HS2ST1: variants seen among roughly 807,000 people sequenced by gnomAD.
HS2ST1 encodes heparan sulfate 2-O-sulfotransferase 1.
HS2ST1 carries 18 observed loss-of-function variants against 42.9 expected under a neutral mutation model. That is an observed-to-expected ratio of 0.42 (90% CI 0.29 to 0.62). The LOEUF (loss-of-function observed/expected upper bound fraction) is 0.62, where lower values mean the gene tolerates loss of function less well. HS2ST1 is among the 20% of genes least tolerant of loss of function. The pLI, the probability that HS2ST1 is intolerant of heterozygous loss-of-function variation, is 0.21. For synonymous variants in HS2ST1, 146 were observed against 152.9 expected, an observed-to-expected ratio of 0.95 and a Z score of 0.33; for missense variants, 334 against 433.8, an observed-to-expected ratio of 0.77 and a Z score of 2.04.
intron 1 of HS2ST1, among the ~76,000 whole-genome samples, chr1:87,014,191 C>G (rs76688527): frequency 2.6e-5 from 4 of 152,150 alleles, no homozygotes; most frequent in Admixed American, 6.5e-5. Context: ...AAGACATACC[C>G]GAGACTGGTC....
intron 1 of HS2ST1, among the ~76,000 whole-genome samples, chr1:86,967,097 G>T (rs1444666930): frequency 6.6e-6 from 1 of 151,964 alleles, no homozygotes; most frequent in African/African-American, 2.4e-5. Flanking sequence ...CTCCATGTTG[G>T]TCAGGCTGGT....
At chr1:86,923,465 C>G (rs948985412) in intron 1 of HS2ST1, among the ~76,000 whole-genome samples, 1 of 151,178 alleles carries the variant, frequency 6.6e-6, no homozygotes, top group Non-Finnish European at 1.5e-5. Context: ...GGCGCAATCT[C>G]GGCTCACTGC....
chr1:87,012,063 C>G (rs1336284219), intron 1 of HS2ST1, among the ~76,000 whole-genome samples: 1 of 152,188 alleles, frequency 6.6e-6, no homozygotes, highest in African/African-American at 2.4e-5. Flanking sequence ...ATATCATCTT[C>G]CAGTGCTTTC....
intron 1 of HS2ST1, among the ~76,000 whole-genome samples, chr1:86,983,825 A>G (rs1648672700): frequency 6.6e-6 from 1 of 151,966 alleles, no homozygotes; most frequent in Non-Finnish European, 1.5e-5. Context: ...GGTGGATCAC[A>G]AGGTCAGGAG....
intron 1 of HS2ST1, among the ~76,000 whole-genome samples, chr1:87,042,617 T>C (rs746586134): frequency 2.6e-5 from 4 of 152,144 alleles, no homozygotes; most frequent in Non-Finnish European, 5.9e-5. Context: ...AAGTACTCTT[T>C]TGCAATGCCT....
At chr1:87,080,944 C>T (rs2100641542) in intron 2 of HS2ST1, among the ~76,000 whole-genome samples, 1 of 152,290 alleles carries the variant, frequency 6.6e-6, no homozygotes, top group African/African-American at 2.4e-5. Context: ...CAGCCCCTGC[C>T]ACCATGGGCT....
chr1:87,030,528 A>T (rs1011876364), intron 1 of HS2ST1, among the ~76,000 whole-genome samples: 1 of 151,620 alleles, frequency 6.6e-6, no homozygotes, highest in Non-Finnish European at 1.5e-5. Context: ...ATGCATGCAC[A>T]CGCACACACG....
intron 1 of HS2ST1, among the ~76,000 whole-genome samples, chr1:87,062,042 GTT>G (rs1651133290): frequency 1.3e-5 from 2 of 151,478 alleles, no homozygotes; most frequent in African/African-American, 4.8e-5. Flanking sequence ...TTGAACATCT[GTT>G]CATGTTTGTT....
intron 5 of HS2ST1, among the ~76,000 whole-genome samples, chr1:87,102,434 A>C (rs985623682): frequency 7.2e-5 from 11 of 152,162 alleles, no homozygotes; most frequent in African/African-American, 2.7e-4. Context: ...GGATGGTGCT[A>C]AACCATTCAC....
intron 1 of HS2ST1, among the ~76,000 whole-genome samples, chr1:87,015,236 A>T (rs566954546): frequency 3.3e-5 from 5 of 151,788 alleles, no homozygotes; most frequent in African/African-American, 1.2e-4. Flanking sequence ...TTTAATAGAG[A>T]CGGGTTTCAC....
intron 4 of HS2ST1, among the ~76,000 whole-genome samples, chr1:87,096,362 C>T (rs1171898479): frequency 6.6e-6 from 1 of 152,132 alleles, no homozygotes; most frequent in Non-Finnish European, 1.5e-5. Flanking sequence ...CATACTGGTT[C>T]ACTGAGTTAT....
chr1:87,070,740 T>C (rs552498106), intron 1 of HS2ST1, among the ~76,000 whole-genome samples: 40 of 152,342 alleles, frequency 2.6e-4, no homozygotes, highest in African/African-American at 9.6e-4. Context: ...AAAAATAGTA[T>C]GGTATGTGCT....
intron 1 of HS2ST1, among the ~76,000 whole-genome samples, chr1:86,965,777 A>T (rs556494220): frequency 1.4e-3 from 216 of 152,256 alleles, no homozygotes; most frequent in South Asian, 4.6e-3. Context: ...ATCATAATGG[A>T]TTTTTAAAAA....
At chr1:87,046,352 A>C in intron 1 of HS2ST1, 1 of 752,892 alleles carries the variant, frequency 1.3e-6, no homozygotes, top group South Asian at 1.3e-5. Flanking sequence ...TCTTTTGGGC[A>C]AAGTACTTAA....
chr1:87,054,399 T>G (rs1455765364), intron 1 of HS2ST1, among the ~76,000 whole-genome samples: 1 of 152,178 alleles, frequency 6.6e-6, no homozygotes, highest in Non-Finnish European at 1.5e-5. Context: ...TAATCAAGCA[T>G]CATCATCTCT....
chr1:86,971,792 C>A (rs772735821), intron 1 of HS2ST1, among the ~76,000 whole-genome samples: 2 of 151,552 alleles, frequency 1.3e-5, no homozygotes, highest in Non-Finnish European at 2.9e-5. Flanking sequence ...AATGTTAATA[C>A]GTATTAATAT....
At chr1:86,950,089 T>C (rs771364263) in intron 1 of HS2ST1, among the ~76,000 whole-genome samples, 2 of 152,226 alleles carry the variant, frequency 1.3e-5, no homozygotes, top group African/African-American at 2.4e-5. Flanking sequence ...ATTGTTGGGA[T>C]TGGATTCGGA....
chr1:86,920,114 G>C (rs557442736), intron 1 of HS2ST1, among the ~76,000 whole-genome samples: 17 of 152,140 alleles, frequency 1.1e-4, no homozygotes, highest in African/African-American at 4.1e-4. Context: ...TTTTCTATAG[G>C]GTTTTAGCAT....
intron 1 of HS2ST1, among the ~76,000 whole-genome samples, chr1:86,978,891 C>T (rs1648501311): frequency 1.0e-5 from 1 of 96,292 alleles, no homozygotes; most frequent in African/African-American, 3.8e-5. Context: ...TTGAGACAGG[C>T]CCTCACTTTG....
Sources: gnomAD v4.1 joint callset for allele counts (sites outside exome capture counted in the v4.1 genomes callset) on GRCh38, gnomAD v4.1.1 for gene constraint, MANE v1.5 for transcripts, NCBI Gene and HGNC (gene_info 2026-07-23, HGNC 2026-07-21) for gene names.